Variants in EFHB observed in about 807,000 individuals in gnomAD.
The protein encoded by EFHB is EF-hand domain family member B, also known as EF-hand domain-containing family member B.
A neutral mutation model predicts 87.2 loss-of-function variants in EFHB; 91 were observed. The observed-to-expected ratio is 1.04, with a 90% CI of 0.88 to 1.24. The LOEUF (loss-of-function observed/expected upper bound fraction) is 1.24, where lower values mean the gene tolerates loss of function less well. Ranked by LOEUF, EFHB falls within the 50% of genes most tolerant of loss-of-function variation. The probability of loss-of-function intolerance (pLI) is 0.00; values close to 1 mark genes in which losing one functional copy is unlikely to be tolerated. For missense variants in EFHB, 1,084 were observed against 998.8 expected, an observed-to-expected ratio of 1.09 and a Z score of -1.15; for synonymous variants, 325 against 333.6, an observed-to-expected ratio of 0.97 and a Z score of 0.28.
At chr3:19,881,782 T>G (rs370272469) in intron 12 of EFHB, among the ~76,000 whole-genome samples, 1 of 152,114 alleles carries the variant, frequency 6.6e-6, no homozygotes, top group Non-Finnish European at 1.5e-5. Context: ...TGTCTTTTCC[T>G]TTATCATTTC....
intron 8 of EFHB, among the ~76,000 whole-genome samples, chr3:19,898,475 G>T (rs537885403): frequency 6.6e-6 from 1 of 152,210 alleles, no homozygotes; most frequent in African/African-American, 2.4e-5. Flanking sequence ...TTAAAAAGCT[G>T]CCCCACTTCA....
At chr3:19,941,010 A>C (rs1365983814) in intron 1 of EFHB, 1 of 315,622 alleles carries the variant, frequency 3.2e-6, no homozygotes, top group Non-Finnish European at 6.1e-6. Context: ...AGAGCAACAA[A>C]TCTTGAGCAT....
chr3:19,946,734 T>A (rs1287160454), intron 1 of EFHB, among the ~76,000 whole-genome samples: 1 of 152,078 alleles, frequency 6.6e-6, no homozygotes, highest in Non-Finnish European at 1.5e-5. Context: ...GATGCCAGGA[T>A]TGGGGTTAGG....
At chr3:19,913,483 ATTAAC>A (rs1695128520) in intron 5 of EFHB, among the ~76,000 whole-genome samples, 1 of 152,256 alleles carries the variant, frequency 6.6e-6, no homozygotes, top group African/African-American at 2.4e-5. Flanking sequence ...ATATCTAGGA[ATTAAC>A]TTAATCAAAG....
intron 9 of EFHB, 165 bp downstream of exon 9, chr3:19,896,522 G>A (rs1346005192): frequency 7.2e-6 from 7 of 969,766 alleles, no homozygotes; most frequent in Non-Finnish European, 1.1e-5. Context: ...AGACAATACT[G>A]AAAACAACAC....
chr3:19,901,474 C>G (rs558322074), intron 6 of EFHB, among the ~76,000 whole-genome samples: 1 of 152,238 alleles, frequency 6.6e-6, no homozygotes, highest in Non-Finnish European at 1.5e-5. Context: ...AACTACTGAG[C>G]TGAATAAATT....
chr3:19,882,814 G>T (rs2071713917), intron 11 of EFHB, 83 bp from the exon 12 acceptor site: 3 of 1,243,386 alleles, frequency 2.4e-6, no homozygotes, highest in African/African-American at 3.0e-5. Context: ...TGTGCATACT[G>T]AGCACTTAAA....
chr3:19,895,008 A>ATATATATAT (rs1180822365), intron 9 of EFHB: 1 of 145,892 alleles, frequency 6.9e-6, no homozygotes, highest in African/African-American at 2.6e-5. Context: ...ATGTATATAT[A>ATATATATAT]AAAATATATA....
At chr3:19,909,034 G>GC (rs1172550207) in intron 5 of EFHB, among the ~76,000 whole-genome samples, 1 of 99,622 alleles carries the variant, frequency 1.0e-5, no homozygotes, top group Non-Finnish European at 1.9e-5. Context: ...ACCCACACCC[G>GC]CCCCCCACCC....
At chr3:19,903,764 A>G (rs1260229322) in intron 6 of EFHB, among the ~76,000 whole-genome samples, 1 of 152,158 alleles carries the variant, frequency 6.6e-6, no homozygotes, top group Admixed American at 6.5e-5. Context: ...TTTGAAGCCC[A>G]TAAAGAGGTG....
chr3:19,920,612 G>C (rs1274668230), intron 1 of EFHB, 45 bp from the exon 2 acceptor site: 1 of 1,472,130 alleles, frequency 6.8e-7, no homozygotes, highest in East Asian at 2.4e-5. Flanking sequence ...GGTGGAAGAG[G>C]AGCATTTTGA....
chr3:19,935,501 C>T (rs1252297595), upstream of EFHB, among the ~76,000 whole-genome samples: 1 of 151,918 alleles, frequency 6.6e-6, no homozygotes, highest in Non-Finnish European at 1.5e-5. Flanking sequence ...CACTTGAGGT[C>T]AGGAGTTTGA....
rs1267709196 is a variant in EFHB at position 19,933,792 on chromosome 3, C to CT, written c.226dup (p.Arg76LysfsTer6). On this transcript the variant is annotated frameshift_variant, in exon 1 of 13. Transcript: ENST00000295824. LOFTEE classifies it high-confidence loss of function. Reference sequence around the variant, plus strand: ...CATGACAGTCCTAGAAATATTCTGTCTTTCTAATCCCATTTCAAGCCCCTT... The same window carrying CT: ...CATGACAGTCCTAGAAATATTCTGTCTTTTCTAATCCCATTTCAAGCCCCTT... 1.2e-6 allele frequency: 2 copies of CT among 1,613,982 alleles called. No homozygotes were observed. Among genetic ancestry groups the CT allele is most frequent in the Middle Eastern group, 1.6e-4 (1 of 6,062 alleles).
At chr3:19,889,944 G>A (rs1338177969) in intron 9 of EFHB, among the ~76,000 whole-genome samples, 8 of 152,124 alleles carry the variant, frequency 5.3e-5, no homozygotes, top group South Asian at 2.1e-4. Flanking sequence ...CCGAGACTGC[G>A]CCATTGCACT....
At chr3:19,906,135 T>C (rs571935143) in intron 5 of EFHB, among the ~76,000 whole-genome samples, 5 of 152,168 alleles carry the variant, frequency 3.3e-5, no homozygotes, top group African/African-American at 1.2e-4. Flanking sequence ...AGTTCACCAG[T>C]CTGGCCAACA....
At chr3:19,889,386 G>C (rs1465749037) in intron 9 of EFHB, among the ~76,000 whole-genome samples, 2 of 152,116 alleles carry the variant, frequency 1.3e-5, no homozygotes, top group Non-Finnish European at 2.9e-5. Flanking sequence ...GATGGCAAAG[G>C]TCCCAGTTTT....
intron 1 of EFHB, chr3:19,942,878 T>G (rs1450015897): frequency 1.3e-5 from 2 of 156,792 alleles, no homozygotes; most frequent in Non-Finnish European, 2.8e-5. Flanking sequence ...TTCACTGACT[T>G]GCTGCCACTC....
intron 9 of EFHB, among the ~76,000 whole-genome samples, chr3:19,894,100 A>C (rs1388496120): frequency 6.6e-6 from 1 of 152,222 alleles, no homozygotes; most frequent in Non-Finnish European, 1.5e-5. Context: ...AGCTAGGAGC[A>C]AAAATCCCTG....
intron 6 of EFHB, among the ~76,000 whole-genome samples, chr3:19,899,820 C>G (rs1694610730): frequency 6.6e-6 from 1 of 152,132 alleles, no homozygotes; most frequent in Admixed American, 6.6e-5. Context: ...CTGCTGTAAT[C>G]CCAACACTTT....
Sources: allele counts gnomAD v4.1 joint callset (sites outside exome capture counted in the v4.1 genomes callset), GRCh38; gene constraint gnomAD v4.1.1; transcripts MANE v1.5; gene names NCBI Gene and HGNC (gene_info 2026-07-23, HGNC 2026-07-21).